The following ITPR2 variants were observed in gnomAD, a reference collection of about 807,000 sequenced individuals.
The protein encoded by ITPR2 is inositol 1,4,5-trisphosphate receptor type 2.
In ITPR2, 207 loss-of-function variants were observed where a neutral mutation model predicts 317.1. That is an observed-to-expected ratio of 0.65 (90% CI 0.58 to 0.73). The LOEUF (loss-of-function observed/expected upper bound fraction) is 0.73. ITPR2 is among the 30% of genes least tolerant of loss of function. ITPR2 has a pLI of 0.00. For missense variants in ITPR2, 2,613 were observed against 3,284.0 expected (o/e 0.80, Z 4.99); for synonymous variants, 1,156 against 1,149.1 (o/e 1.01, Z -0.12).
intron 1 of ITPR2, among the ~76,000 whole-genome samples, chr12:26,810,035 C>T (rs895367921): frequency 1.3e-5 from 2 of 152,214 alleles, no homozygotes; most frequent in Admixed American, 6.5e-5. Context: ...GCCACATCCA[C>T]GCAAGATGAT....
chr12:26,722,448 C>T lies in ITPR2; in HGVS notation c.474G>A (p.Gly158=). 1 of 1,613,174 alleles carries T rather than the reference C, an allele frequency of 6.2e-7. No homozygotes were observed. Among genetic ancestry groups the T allele is most frequent in the Non-Finnish European group, 8.5e-7 (1 of 1,179,432 alleles). The change falls in exon 5 of 57, where the codon GGG becomes GGA. Residue 158 remains glycine (G), a synonymous_variant. Transcript: ENST00000381340. Reference sequence around the variant, plus strand: ...AGAACGGATGAATATAAAACCAAGACCCTTCATTTCCTGCAGCATCCAAGG... The same window carrying T: ...AGAACGGATGAATATAAAACCAAGATCCTTCATTTCCTGCAGCATCCAAGG... ...RVSLDAAGNE[G]SWFYIHPFWK...
chr12:26,782,341 A>G (rs1415913039), intron 2 of ITPR2, among the ~76,000 whole-genome samples: 1 of 151,998 alleles, frequency 6.6e-6, no homozygotes, highest in Non-Finnish European at 1.5e-5. Flanking sequence ...AAAGTAGTAT[A>G]ATGAAGACAG....
At chr12:26,507,863 C>CTCTCTGTGTGTGTGTGTG (rs372756412) in intron 37 of ITPR2, among the ~76,000 whole-genome samples, 191 of 132,278 alleles carry the variant, frequency 1.4e-3, no homozygotes, top group African/African-American at 4.4e-3. Context: ...CTCTCTGTCT[C>CTCTCTGTGTGTGTGTGTG]TGTGTGTGTG....
chr12:26,429,137 T>C (rs1240774943), intron 48 of ITPR2, among the ~76,000 whole-genome samples: 1 of 152,250 alleles, frequency 6.6e-6, no homozygotes, highest in Admixed American at 6.5e-5. Flanking sequence ...GAATTCTGTA[T>C]AAACTCTTAG....
At chr12:26,658,548 G>A (rs1277086255) in intron 16 of ITPR2, among the ~76,000 whole-genome samples, 2 of 152,224 alleles carry the variant, frequency 1.3e-5, no homozygotes, top group Non-Finnish European at 2.9e-5. Context: ...GGTCAAGTCA[G>A]AGGCCCATTT....
rs971575205 is a variant in ITPR2, at chr12:26,556,946, G to A, written c.4822-571C>T. 5.3e-5 allele frequency among the ~76,000 whole-genome samples: 8 copies of A among 152,166 alleles called. No individual in the cohort carries two copies. In the East Asian group the frequency reaches 1.4e-3, roughly 26 times the overall value. On this transcript the variant is annotated intron_variant, in intron 35 of 56. Coordinates refer to ENST00000381340, the MANE Select transcript of ITPR2 (RefSeq NM_002223.4). ...ATACAAAAATCAGCCAGGCATGGTG[G>A]CATGCGCGTGTGGTCCCAGCTACTC...
At chr12:26,798,530 T>C (rs748936395) in intron 1 of ITPR2, among the ~76,000 whole-genome samples, 9 of 152,256 alleles carry the variant, frequency 5.9e-5, no homozygotes, top group Non-Finnish European at 1.3e-4. Flanking sequence ...GTTCCATTCA[T>C]TCACCGTAGT....
intron 26 of ITPR2, among the ~76,000 whole-genome samples, chr12:26,619,845 C>T (rs1258927309): frequency 2.6e-5 from 4 of 152,124 alleles, no homozygotes; most frequent in South Asian, 2.1e-4. Flanking sequence ...CATAGGGTTT[C>T]CTCATTTAAT....
At chr12:26,713,976 G>A (rs1948695014) in intron 8 of ITPR2, among the ~76,000 whole-genome samples, 1 of 152,156 alleles carries the variant, frequency 6.6e-6, no homozygotes, top group South Asian at 2.1e-4. Flanking sequence ...GAGCTTCTCA[G>A]TTCCATCACC....
rs893290081 is a variant in ITPR2, at chr12:26,338,463, G to A, written c.*934C>T. ...AAGCAATTCTTTAAGCACAGCAAAC[G>A]TTGAGTCAAATGGCTTTCACTCCAT... On this transcript the variant is annotated 3_prime_UTR_variant, in exon 57 of 57. Transcript: ENST00000381340. The A allele has an allele frequency of 1.3e-5, 2 of 152,422 alleles. No individual in the cohort carries two copies. The highest frequency in any genetic ancestry group is 2.9e-5 in the Non-Finnish European group (2 of 68,030). The allele number at this position is 152,422 out of a possible 1,614,324, so 9.4% of individuals were successfully genotyped here.
Position 26,602,307 on chromosome 12 carries a change from T to C in ITPR2, c.3678+63A>G, listed in dbSNP as rs1038819808. ...AGAAAGAAAAAATTTCTTGGAACTT[T>C]GCAAAACATTTGAAATTGTATCAAA... is the stretch of plus-strand genomic sequence containing the variant. On this transcript the variant is annotated intron_variant, in intron 28 of 56. Coordinates refer to ENST00000381340, the MANE Select transcript of ITPR2 (RefSeq NM_002223.4). 5 of 1,543,266 alleles carry C rather than the reference T, an allele frequency of 3.2e-6. No homozygotes were observed. The African/African-American group carries it at 4.2e-5, about 13-fold the overall frequency.
chr12:26,342,942 G>A (rs371441816), intron 55 of ITPR2, among the ~76,000 whole-genome samples: 22 of 152,092 alleles, frequency 1.4e-4, no homozygotes, highest in South Asian at 6.3e-4. Flanking sequence ...ATGGGTTCTC[G>A]GGGGAGTGGA....
At chr12:26,368,508 G>A (rs1214010259) in intron 55 of ITPR2, among the ~76,000 whole-genome samples, 1 of 151,992 alleles carries the variant, frequency 6.6e-6, no homozygotes, top group Non-Finnish European at 1.5e-5. Flanking sequence ...TTTTTAAAGA[G>A]ACAAAATAAG....
chr12:26,401,744 G>C (rs1940183563), intron 52 of ITPR2, among the ~76,000 whole-genome samples: 1 of 152,206 alleles, frequency 6.6e-6, no homozygotes, highest in South Asian at 2.1e-4. Context: ...CATGCCTACA[G>C]TGCCTTTGAT....
chr12:26,724,733 C>T lies in ITPR2; in HGVS notation c.289G>A (p.Glu97Lys), dbSNP rs766813958. The change falls in exon 4 of 57, where the codon GAA (glutamate) becomes AAA (lysine). Residue 97 changes from glutamate (E) to lysine (K), a missense_variant. Physicochemically the swap from Glu to Lys is moderately conservative, Grantham distance 56. This residue lies in a region of ITPR2 where 515 missense variants were observed against 789.4 expected (regional missense o/e 0.65). Coordinates refer to ENST00000381340, the MANE Select transcript of ITPR2 (RefSeq NM_002223.4). ...GATTCATTTTGTTTTTGTTCCAGTT[C>T]TGCAGCGTGCTATAAGATGATTATC... ...ALLKKLQHAA[E>K]LEQKQNESEN... 2 of 1,603,382 alleles carry T rather than the reference C, an allele frequency of 1.2e-6. No individual in the cohort carries two copies. The highest frequency in any genetic ancestry group is 3.4e-5 in the Admixed American group (2 of 59,700).
At chr12:26,417,808 A>G (rs1418839022) in intron 50 of ITPR2, among the ~76,000 whole-genome samples, 4 of 152,172 alleles carry the variant, frequency 2.6e-5, no homozygotes, top group African/African-American at 9.7e-5. Context: ...AAAGTATTAT[A>G]AACTCATCAA....
At chr12:26,811,036 C>CAAAAA (rs79796097) in intron 1 of ITPR2, among the ~76,000 whole-genome samples, 1 of 108,314 alleles carries the variant, frequency 9.2e-6, no homozygotes, top group African/African-American at 3.9e-5. Flanking sequence ...TTTTAAGTTA[C>CAAAAA]AAAAAAAAAA....
chr12:26,536,679 G>A (rs1260393145), intron 37 of ITPR2, among the ~76,000 whole-genome samples: 1 of 150,894 alleles, frequency 6.6e-6, no homozygotes, highest in Non-Finnish European at 1.5e-5. Context: ...GAAGAGAGAT[G>A]GTCAGTGCAG....
intron 47 of ITPR2, 149 bp downstream of exon 47, chr12:26,438,978 G>A (rs1338550184): frequency 1.2e-5 from 6 of 493,874 alleles, no homozygotes; most frequent in South Asian, 4.3e-5. Context: ...TAGACTAAGC[G>A]GACACTCTTA....
Sources: gnomAD v4.1 joint callset for allele counts (sites outside exome capture counted in the v4.1 genomes callset) on GRCh38, gnomAD v4.1.1 for gene constraint, gnomAD v4.1.1 regional missense constraint, MANE v1.5 for transcripts, NCBI Gene and HGNC (gene_info 2026-07-23, HGNC 2026-07-21) for gene names.